PSD2: variants seen among roughly 807,000 people sequenced by gnomAD.
PSD2 encodes pleckstrin and Sec7 domain containing 2.
In PSD2, 38 loss-of-function variants were observed where a neutral mutation model predicts 69.8. The observed-to-expected ratio is 0.54, with a 90% confidence interval of 0.42 to 0.71. The LOEUF is 0.71. Among genes scored for constraint, PSD2 ranks in the 30% least tolerant of loss-of-function variants. The pLI, the probability that PSD2 is intolerant of heterozygous loss-of-function variation, is 0.00. For synonymous variants in PSD2, 412 were observed against 423.0 expected, an observed-to-expected ratio of 0.97 and a Z score of 0.32; for missense variants, 943 against 1,014.5, an observed-to-expected ratio of 0.93 and a Z score of 0.96.
chr5:139,808,056 C>A (rs116024559), intron 1 of PSD2, among the ~76,000 whole-genome samples: 16 of 152,336 alleles, frequency 1.1e-4, no homozygotes, highest in African/African-American at 3.8e-4. Flanking sequence ...CCTAGAAGGG[C>A]AGCCAGTGCC....
At chr5:139,754,128 G>A in the PSD2 span, among the ~76,000 whole-genome samples, 5 of 152,182 alleles carry the variant, frequency 3.3e-5, no homozygotes, top group East Asian at 9.7e-4. Flanking sequence ...GAGCCACTGC[G>A]CCGGACCAGA....
At chr5:139,833,245 A>G (rs1324302631) in intron 7 of PSD2, among the ~76,000 whole-genome samples, 3 of 152,110 alleles carry the variant, frequency 2.0e-5, no homozygotes, top group African/African-American at 7.2e-5. Flanking sequence ...GGTTTCAGAC[A>G]CACTTGGCCT....
chr5:139,831,051 G>A (rs1760589777), intron 7 of PSD2, among the ~76,000 whole-genome samples: 1 of 151,980 alleles, frequency 6.6e-6, no homozygotes, highest in Admixed American at 6.6e-5. Context: ...CCAAGATTGT[G>A]AATATGTCTT....
At chr5:139,751,972 T>C in the PSD2 span, among the ~76,000 whole-genome samples, 1 of 151,986 alleles carries the variant, frequency 6.6e-6, no homozygotes, top group African/African-American at 2.4e-5. Flanking sequence ...TTAAATTTTT[T>C]TGTAGAGACT....
the PSD2 span, among the ~76,000 whole-genome samples, chr5:139,755,601 GGT>G: frequency 6.6e-6 from 1 of 150,660 alleles, no homozygotes; most frequent in Non-Finnish European, 1.5e-5. Context: ...CCTGCTTCTG[GGT>G]GTGTTTCCGT....
At chr5:139,764,880 C>T in the PSD2 span, among the ~76,000 whole-genome samples, 5 of 152,126 alleles carry the variant, frequency 3.3e-5, no homozygotes, top group Non-Finnish European at 7.4e-5. Context: ...CCCTCACTGG[C>T]GAAGGGACAT....
chr5:139,783,808 G>A, the PSD2 span, among the ~76,000 whole-genome samples: 13 of 152,094 alleles, frequency 8.5e-5, no homozygotes, highest in Non-Finnish European at 7.3e-5. Flanking sequence ...GACTCACTCA[G>A]TCTCATTTCT....
chr5:139,793,867 A>C (rs1387583651), upstream of PSD2, among the ~76,000 whole-genome samples: 2 of 152,160 alleles, frequency 1.3e-5, no homozygotes, highest in Non-Finnish European at 2.9e-5. Context: ...GACTGCTACC[A>C]TCCTCATTGG....
the PSD2 span, chr5:139,773,021 T>A: frequency 1.3e-5 from 2 of 152,304 alleles, no homozygotes; most frequent in South Asian, 2.1e-4. Flanking sequence ...TTGATACATA[T>A]TTTTTTATTT....
chr5:139,779,498 C>A, the PSD2 span, among the ~76,000 whole-genome samples: 1 of 152,174 alleles, frequency 6.6e-6, no homozygotes, highest in Non-Finnish European at 1.5e-5. Context: ...CCAAACACTT[C>A]AACATGTTTA....
the PSD2 span, among the ~76,000 whole-genome samples, chr5:139,786,536 C>T: frequency 6.6e-6 from 1 of 152,094 alleles, no homozygotes; most frequent in African/African-American, 2.4e-5. Flanking sequence ...TGAAACATTC[C>T]CCCATTTTCC....
the PSD2 span, among the ~76,000 whole-genome samples, chr5:139,788,020 G>A: frequency 6.6e-6 from 1 of 152,250 alleles, no homozygotes; most frequent in Non-Finnish European, 1.5e-5. Flanking sequence ...TGCGGTAGGA[G>A]GATGACCCAT....
the PSD2 span, among the ~76,000 whole-genome samples, chr5:139,752,423 G>A: frequency 6.6e-6 from 1 of 152,136 alleles, no homozygotes; most frequent in Non-Finnish European, 1.5e-5. Context: ...CAGAGGCAAA[G>A]CGATGGAGAG....
At chr5:139,825,702 A>C (rs982432635) in intron 7 of PSD2, among the ~76,000 whole-genome samples, 3 of 143,346 alleles carry the variant, frequency 2.1e-5, no homozygotes, top group Admixed American at 7.0e-5. Context: ...GGTGAGTGGG[A>C]GAGGGGGACT....
chr5:139,771,972 C>T, the PSD2 span, among the ~76,000 whole-genome samples: 1 of 152,168 alleles, frequency 6.6e-6, no homozygotes, highest in African/African-American at 2.4e-5. Flanking sequence ...TCTGTCTCCT[C>T]GCTCCCAGCA....
the PSD2 span, among the ~76,000 whole-genome samples, chr5:139,760,496 A>ATCTTTGATATGTCTGTGTCTGT: frequency 6.6e-6 from 1 of 151,716 alleles, no homozygotes; most frequent in African/African-American, 2.4e-5. Context: ...CCCCTCCCAA[A>ATCTTTGATATGTCTGTGTCTGT]CCTGGCTCCT....
the PSD2 span, among the ~76,000 whole-genome samples, chr5:139,766,908 CCTTCCTTCCTTCCTTCCTTCCCTT>C: frequency 0.11 from 6,922 of 64,096 alleles, 826 homozygotes; most frequent in South Asian, 0.17. Context: ...TCTTTCCCTC[CCTTCCTTCCTTCCTTCCTTCCCTT>C]CTTTCTTTCT....
chr5:139,759,483 C>T, the PSD2 span, among the ~76,000 whole-genome samples: 1 of 152,122 alleles, frequency 6.6e-6, no homozygotes, highest in African/African-American at 2.4e-5. Flanking sequence ...CTGGCTGTCC[C>T]CCGCCCTGGG....
the PSD2 span, among the ~76,000 whole-genome samples, chr5:139,754,720 T>TA: frequency 3.7e-4 from 55 of 150,192 alleles, no homozygotes; most frequent in Middle Eastern, 0.014. Context: ...TAAAATAAGT[T>TA]AAAAAAAATT....
Sources: allele counts gnomAD v4.1 joint callset (sites outside exome capture counted in the v4.1 genomes callset), GRCh38; gene constraint gnomAD v4.1.1; transcripts MANE v1.5; gene names NCBI Gene and HGNC (gene_info 2026-07-23, HGNC 2026-07-21).